Variants in HRH4 observed in about 807,000 individuals in gnomAD.
HRH4 encodes the protein histamine receptor H4.
A neutral mutation model predicts 10.4 loss-of-function variants in HRH4; 12 were observed. That is an observed-to-expected ratio of 1.15 (90% CI 0.74 to 1.87). The LOEUF (loss-of-function observed/expected upper bound fraction) is 1.87. HRH4 is among the 40% of genes most tolerant of loss of function. The probability of loss-of-function intolerance (pLI) is 0.00; values close to 1 mark genes in which losing one functional copy is unlikely to be tolerated. For synonymous variants in HRH4, 154 were observed against 166.6 expected (o/e 0.92, Z 0.58); for missense variants, 415 against 453.3 (o/e 0.92, Z 0.77).
At position 24,477,789 on chromosome 18, in the gene HRH4, T is replaced by TA; in HGVS notation, c.*228dup. ...TAGTCCTCACCTCTTCCTTGTCTTT[T>TA]AGATCTTAATTTCATGCTGATTACA... On this transcript the variant is annotated 3_prime_UTR_variant, in exon 3 of 3. Transcript: ENST00000256906. 2.6e-6 allele frequency: 1 copy of TA among 380,372 alleles called. No individual in the cohort carries two copies. The highest frequency in any genetic ancestry group is 4.7e-6 in the Non-Finnish European group (1 of 213,170). The allele number at this position is 380,372 out of a possible 1,614,324, so 23.6% of individuals were successfully genotyped here.
chr18:24,470,435 G>A (rs1372285798), intron 2 of HRH4, among the ~76,000 whole-genome samples: 1 of 151,582 alleles, frequency 6.6e-6, no homozygotes, highest in African/African-American at 2.4e-5. Flanking sequence ...ATACAAAAGT[G>A]TACTTGGCTC....
chr18:24,473,640 A>C (rs1327875110), intron 2 of HRH4, among the ~76,000 whole-genome samples: 1 of 152,144 alleles, frequency 6.6e-6, no homozygotes, highest in African/African-American at 2.4e-5. Flanking sequence ...CCTCATCTTA[A>C]CTGGATTACA....
At chr18:24,475,769 A>T (rs1910117125) in intron 2 of HRH4, among the ~76,000 whole-genome samples, 1 of 152,194 alleles carries the variant, frequency 6.6e-6, no homozygotes, top group Non-Finnish European at 1.5e-5. Flanking sequence ...GCACTCTGGG[A>T]GGCTGAGGTG....
chr18:24,472,717 G>T (rs888066252), intron 2 of HRH4, among the ~76,000 whole-genome samples: 1 of 152,164 alleles, frequency 6.6e-6, no homozygotes, highest in Non-Finnish European at 1.5e-5. Flanking sequence ...ATTTGGAAAA[G>T]AAAAGCCCAG....
At chr18:24,469,101 T>A in intron 2 of HRH4, 150 bp downstream of exon 2, 1 of 604,898 alleles carries the variant, frequency 1.7e-6, no homozygotes, top group Non-Finnish European at 2.8e-6. Flanking sequence ...ATAAAGTTCT[T>A]GCTGGTTGTT....
intron 1 of HRH4, among the ~76,000 whole-genome samples, chr18:24,461,745 C>T (rs1454541691): frequency 6.6e-6 from 1 of 150,954 alleles, no homozygotes; most frequent in Non-Finnish European, 1.5e-5. Context: ...ACAGTTGTTA[C>T]TCAACAAATG....
intron 2 of HRH4, 60 bp downstream of exon 2, chr18:24,469,011 C>T (rs905824800): frequency 1.5e-6 from 2 of 1,348,614 alleles, no homozygotes; most frequent in African/African-American, 1.5e-5. Context: ...ATGATGGGTC[C>T]TCAAGCAAAA....
chr18:24,461,831 A>G (rs997758644), intron 1 of HRH4, among the ~76,000 whole-genome samples: 1 of 150,622 alleles, frequency 6.6e-6, no homozygotes, highest in African/African-American at 2.5e-5. Flanking sequence ...AAATGTTAGT[A>G]TAGTATCTAG....
chr18:24,468,086 G>A (rs904126446), intron 1 of HRH4, among the ~76,000 whole-genome samples: 4 of 152,142 alleles, frequency 2.6e-5, no homozygotes, highest in African/African-American at 9.7e-5. Flanking sequence ...TGGTGTCTGT[G>A]GGGGGTTTGT....
At chr18:24,466,683 C>T (rs991328801) in intron 1 of HRH4, among the ~76,000 whole-genome samples, 3 of 152,136 alleles carry the variant, frequency 2.0e-5, no homozygotes, top group African/African-American at 4.8e-5. Context: ...TTGGAGAATG[C>T]AGGCTTTCCT....
intron 1 of HRH4, among the ~76,000 whole-genome samples, chr18:24,463,128 G>C (rs1304361657): frequency 6.6e-6 from 1 of 152,192 alleles, no homozygotes; most frequent in Admixed American, 6.5e-5. Context: ...TCCATGTCTG[G>C]CCCAAGACCA....
In HRH4 at chr18:24,460,826, A is replaced by G. The variant is rs1909614570; in HGVS notation, c.98A>G (p.Asn33Ser). 1 of 1,590,374 alleles carries G rather than the reference A, an allele frequency of 6.3e-7. No individual in the cohort carries two copies. The highest frequency in any genetic ancestry group is 1.7e-5 in the Admixed American group (1 of 59,688). Residue 33 changes from asparagine (N) to serine (S), a missense_variant, in exon 1 of 3, where the codon AAT becomes AGT. Asn to Ser is a conservative substitution (Grantham distance 46). Coordinates refer to ENST00000256906, the MANE Select transcript of HRH4 (RefSeq NM_021624.4). ...SLVAFAIMLGNALVILAFVVD... is the reference protein window; with the variant it reads ...SLVAFAIMLGSALVILAFVVD... ...GTAGCTTTTGCTATAATGCTAGGAAATGCTTTGGTCATTTTAGCTTTTGTG... is the reference window on the plus strand; with the variant it reads ...GTAGCTTTTGCTATAATGCTAGGAAGTGCTTTGGTCATTTTAGCTTTTGTG...
chr18:24,468,706 T>G (rs773720832), intron 1 of HRH4, 82 bp from the exon 2 acceptor site: 62 of 1,202,708 alleles, frequency 5.2e-5, no homozygotes, highest in Non-Finnish European at 7.1e-5. Context: ...GATAGGTCAT[T>G]GTGTTGTGTA....
intron 2 of HRH4, among the ~76,000 whole-genome samples, chr18:24,475,841 C>G (rs930190701): frequency 6.6e-6 from 1 of 151,938 alleles, no homozygotes; most frequent in African/African-American, 2.4e-5. Flanking sequence ...AACCCCATCT[C>G]TACTAAAAAT....
intron 2 of HRH4, among the ~76,000 whole-genome samples, chr18:24,473,154 CA>C (rs962047957): frequency 4.3e-5 from 6 of 141,152 alleles, no homozygotes; most frequent in South Asian, 2.3e-4. Context: ...GACTCTGTCT[CA>C]AAAAAAAAAG....
intron 1 of HRH4, among the ~76,000 whole-genome samples, chr18:24,463,039 TAGGGTGGGAAGGGTG>T (rs1161350870): frequency 6.6e-6 from 1 of 152,174 alleles, no homozygotes; most frequent in Non-Finnish European, 1.5e-5. Context: ...GCCCCAGTTT[TAGGGTGGGAAGGGTG>T]AGACAGCTGA....
At chr18:24,472,975 C>A (rs1441964473) in intron 2 of HRH4, among the ~76,000 whole-genome samples, 1 of 152,002 alleles carries the variant, frequency 6.6e-6, no homozygotes, top group Non-Finnish European at 1.5e-5. Flanking sequence ...GCCAACATGG[C>A]AAAACACAGT....
intron 2 of HRH4, among the ~76,000 whole-genome samples, chr18:24,470,596 C>G (rs1262326084): frequency 2.7e-5 from 4 of 150,562 alleles, no homozygotes; most frequent in African/African-American, 9.8e-5. Context: ...CTCTGCCTCC[C>G]AGGTTCAAGT....
chr18:24,476,024 T>C (rs565698914), intron 2 of HRH4, among the ~76,000 whole-genome samples: 1 of 151,988 alleles, frequency 6.6e-6, no homozygotes, highest in South Asian at 2.1e-4. Context: ...TAAAATAAAA[T>C]AAAAACTAAA....
Sources: gnomAD v4.1 joint callset for allele counts (sites outside exome capture counted in the v4.1 genomes callset) on GRCh38, gnomAD v4.1.1 for gene constraint, MANE v1.5 for transcripts, NCBI Gene and HGNC (gene_info 2026-07-23, HGNC 2026-07-21) for gene names.